The following CNTNAP2 variants were observed in gnomAD, a reference collection of about 807,000 sequenced individuals.
The protein encoded by CNTNAP2 is contactin associated protein 2.
A neutral mutation model predicts 155.2 loss-of-function variants in CNTNAP2; 98 were observed. That is an observed-to-expected ratio of 0.63 (90% CI 0.54 to 0.75). CNTNAP2 has a LOEUF of 0.75. Among genes scored for constraint, CNTNAP2 ranks in the 30% least tolerant of loss-of-function variants. The pLI is 0.00. For missense variants in CNTNAP2, 1,727 were observed against 1,688.1 expected (o/e 1.02, Z -0.40); for synonymous variants, 651 against 631.2 (o/e 1.03, Z -0.47).
intron 14 of CNTNAP2, among the ~76,000 whole-genome samples, chr7:147,952,399 G>A (rs996936082): frequency 1.3e-5 from 2 of 151,714 alleles, no homozygotes; most frequent in South Asian, 2.1e-4. Context: ...CCAAGGCCAC[G>A]CCATTGCACT....
chr7:148,241,702 T>G (rs1390125395), intron 20 of CNTNAP2, among the ~76,000 whole-genome samples: 1 of 152,192 alleles, frequency 6.6e-6, no homozygotes, highest in East Asian at 1.9e-4. Context: ...TTCATAAAAA[T>G]TATACAGAAA....
At chr7:147,789,905 T>C (rs1016066293) in intron 13 of CNTNAP2, among the ~76,000 whole-genome samples, 28 of 152,318 alleles carry the variant, frequency 1.8e-4, no homozygotes, top group Admixed American at 1.6e-3. Flanking sequence ...CTGTCGGCTT[T>C]CCTACTTTTG....
chr7:146,503,833 T>A (rs956351659), intron 1 of CNTNAP2, among the ~76,000 whole-genome samples: 1 of 152,194 alleles, frequency 6.6e-6, no homozygotes, highest in Non-Finnish European at 1.5e-5. Context: ...TTTTGATTAC[T>A]GTCAGGTTCC....
intron 3 of CNTNAP2, among the ~76,000 whole-genome samples, chr7:147,027,620 TC>T (rs2129249151): frequency 6.6e-6 from 1 of 152,342 alleles, no homozygotes; most frequent in East Asian, 1.9e-4. Context: ...ACTGAGATTT[TC>T]ATTTAAAAAG....
intron 16 of CNTNAP2, among the ~76,000 whole-genome samples, chr7:148,125,795 G>A (rs1014470999): frequency 7.9e-5 from 12 of 151,030 alleles, no homozygotes; most frequent in African/African-American, 1.2e-4. Flanking sequence ...TCTGCCTCCC[G>A]GGTTCAAGTG....
intron 1 of CNTNAP2, among the ~76,000 whole-genome samples, chr7:146,543,041 T>C (rs762212718): frequency 3.3e-5 from 5 of 151,832 alleles, no homozygotes; most frequent in Non-Finnish European, 7.4e-5. Flanking sequence ...TTCTTGAAAA[T>C]GGTTGAGTAG....
chr7:146,685,970 CACTT>C (rs1390296271), intron 1 of CNTNAP2, among the ~76,000 whole-genome samples: 1 of 151,966 alleles, frequency 6.6e-6, no homozygotes, highest in Non-Finnish European at 1.5e-5. Flanking sequence ...TATTTAATAA[CACTT>C]AGTGTAATAT....
intron 1 of CNTNAP2, among the ~76,000 whole-genome samples, chr7:146,428,224 A>C (rs924918753): frequency 1.3e-5 from 2 of 152,080 alleles, no homozygotes; most frequent in Non-Finnish European, 2.9e-5. Context: ...ATGTGTCTTT[A>C]TAATAGAATG....
intron 2 of CNTNAP2, among the ~76,000 whole-genome samples, chr7:146,827,463 A>G (rs369311996): frequency 3.3e-5 from 5 of 151,074 alleles, no homozygotes; most frequent in African/African-American, 1.2e-4. Flanking sequence ...TCACCGAGTA[A>G]TATTCCTTGT....
intron 1 of CNTNAP2, among the ~76,000 whole-genome samples, chr7:146,345,498 A>G (rs941162839): frequency 5.3e-5 from 8 of 152,150 alleles, no homozygotes; most frequent in African/African-American, 1.9e-4. Flanking sequence ...CTTTTCCACT[A>G]TCTTTATAGC....
At chr7:148,098,720 G>GT (rs2116576592) in intron 15 of CNTNAP2, among the ~76,000 whole-genome samples, 1 of 152,214 alleles carries the variant, frequency 6.6e-6, no homozygotes, top group African/African-American at 2.4e-5. Flanking sequence ...GTCTTTACGT[G>GT]CTATGTATTC....
At chr7:147,359,089 A>T (rs766750144) in intron 9 of CNTNAP2, among the ~76,000 whole-genome samples, 19 of 152,144 alleles carry the variant, frequency 1.2e-4, no homozygotes, top group Non-Finnish European at 2.6e-4. Flanking sequence ...AACAAGCTGA[A>T]TATTTAGTTT....
At chr7:146,863,624 A>G (rs546107425) in intron 3 of CNTNAP2, among the ~76,000 whole-genome samples, 73 of 151,264 alleles carry the variant, frequency 4.8e-4, no homozygotes, top group Middle Eastern at 3.5e-3. Context: ...TTGTAATCCT[A>G]ATTAGTACTA....
At chr7:147,127,472 A>G (rs771017891) in intron 6 of CNTNAP2, among the ~76,000 whole-genome samples, 2 of 152,098 alleles carry the variant, frequency 1.3e-5, no homozygotes, top group Admixed American at 6.6e-5. Context: ...ACTAAATCAT[A>G]GAACATAATT....
chr7:147,385,996 T>C (rs1053572910), intron 9 of CNTNAP2, among the ~76,000 whole-genome samples: 25 of 152,238 alleles, frequency 1.6e-4, no homozygotes, highest in Admixed American at 1.6e-3. Flanking sequence ...TATTGACTTA[T>C]GTGCACCCAC....
intron 15 of CNTNAP2, among the ~76,000 whole-genome samples, chr7:148,029,845 A>T (rs2116460139): frequency 6.6e-6 from 1 of 152,316 alleles, no homozygotes; most frequent in Middle Eastern, 3.4e-3. Flanking sequence ...TATGAACATA[A>T]GACCAATTAT....
At chr7:146,160,224 C>T (rs1180727019) in intron 1 of CNTNAP2, among the ~76,000 whole-genome samples, 1 of 152,088 alleles carries the variant, frequency 6.6e-6, no homozygotes, top group African/African-American at 2.4e-5. Flanking sequence ...GTACTAAGTG[C>T]CCACAAGAGA....
chr7:146,522,613 C>G (rs922560403), intron 1 of CNTNAP2, among the ~76,000 whole-genome samples: 10 of 151,666 alleles, frequency 6.6e-5, no homozygotes, highest in Non-Finnish European at 1.5e-4. Context: ...TTCATATTAC[C>G]CACAATTAAA....
chr7:148,154,936 CA>C (rs113236445), intron 17 of CNTNAP2, among the ~76,000 whole-genome samples: 2,669 of 128,456 alleles, frequency 0.021, 64 homozygotes, highest in African/African-American at 0.062. Context: ...GACCACATCT[CA>C]AAAAAAAAAA....
Sources: gnomAD v4.1 joint callset for allele counts (sites outside exome capture counted in the v4.1 genomes callset) on GRCh38, gnomAD v4.1.1 for gene constraint, MANE v1.5 for transcripts, NCBI Gene and HGNC (gene_info 2026-07-23, HGNC 2026-07-21) for gene names.